SYTL5: variants seen among roughly 807,000 people sequenced by gnomAD.
The protein encoded by SYTL5 is synaptotagmin-like protein 5.
In SYTL5, 34 loss-of-function variants were observed where a neutral mutation model predicts 55.9. The ratio of observed to expected loss-of-function variants is 0.61; its 90% CI spans 0.46 to 0.81. SYTL5 has a LOEUF of 0.81. Ranked by LOEUF, SYTL5 falls within the 30% of genes least tolerant of loss-of-function variation. The probability of loss-of-function intolerance (pLI) is 0.00; values close to 1 mark genes in which losing one functional copy is unlikely to be tolerated. For missense variants in SYTL5, 637 were observed against 546.7 expected, an observed-to-expected ratio of 1.17 and a Z score of -1.65; for synonymous variants, 221 against 188.7, an observed-to-expected ratio of 1.17 and a Z score of -1.40.
In SYTL5 at chrX:38,033,535, G is replaced by A. The variant is rs1481074304; in HGVS notation, c.-355G>A. The stretch of plus-strand genomic sequence containing the variant: ...TCTTTTTTTTCTCCACCGTCTTAGT[G>A]TTTTCTGCATTCTCTCCCAGCGGAT... On this transcript the variant is annotated splice_region_variant and 5_prime_UTR_variant, in exon 2 of 17. Coordinates refer to ENST00000297875, the MANE Select transcript of SYTL5 (RefSeq NM_138780.3). The A allele has an allele frequency of 1.7e-5, 2 of 117,583 alleles. No homozygotes were observed. Among genetic ancestry groups the A allele is most frequent in the Non-Finnish European group, 3.5e-5 (2 of 56,944 alleles). The allele number at this position is 117,583 out of a possible 1,213,427, so 9.7% of individuals were successfully genotyped here.
chrX:38,105,209 G>A (rs1937177010), intron 10 of SYTL5, among the ~76,000 whole-genome samples: 1 of 112,478 alleles, frequency 8.9e-6, no homozygotes, highest in Admixed American at 9.4e-5. Context: ...GCAGTATGAT[G>A]TGAGAGTTCA....
the SYTL5 span, among the ~76,000 whole-genome samples, chrX:37,896,075 A>G: frequency 8.9e-6 from 1 of 112,390 alleles, no homozygotes; most frequent in Admixed American, 9.4e-5. Context: ...ACATTGTTCT[A>G]TTAAAACAGC....
upstream of SYTL5, among the ~76,000 whole-genome samples, chrX:38,004,840 A>G (rs1296480575): frequency 1.8e-5 from 2 of 110,999 alleles, no homozygotes; most frequent in Non-Finnish European, 3.8e-5. Context: ...GAAAGAATGA[A>G]TAAGACATAG....
the SYTL5 span, among the ~76,000 whole-genome samples, chrX:37,912,517 G>A: frequency 7.0e-4 from 78 of 111,598 alleles, no homozygotes; most frequent in African/African-American, 2.4e-3. Flanking sequence ...ACTTATGAGT[G>A]TTGTGGGTGT....
the SYTL5 span, among the ~76,000 whole-genome samples, chrX:37,943,581 G>A: frequency 9.0e-6 from 1 of 111,330 alleles, no homozygotes; most frequent in African/African-American, 3.3e-5. Flanking sequence ...ATCGAGGATG[G>A]GGGATGAGAA....
At chrX:38,062,109 A>G (rs1218592088) in intron 3 of SYTL5, among the ~76,000 whole-genome samples, 1 of 110,833 alleles carries the variant, frequency 9.0e-6, no homozygotes, top group Non-Finnish European at 1.9e-5. Context: ...CTGGGACTAC[A>G]GGCATGTGCC....
chrX:38,000,271 G>T, the SYTL5 span, among the ~76,000 whole-genome samples: 1 of 112,342 alleles, frequency 8.9e-6, no homozygotes, highest in Non-Finnish European at 1.9e-5. Flanking sequence ...TGGAAATTCT[G>T]ACTCTATCCA....
chrX:38,078,297 G>C (rs1411853557), intron 6 of SYTL5, among the ~76,000 whole-genome samples: 1 of 106,207 alleles, frequency 9.4e-6, no homozygotes, highest in African/African-American at 3.4e-5. Flanking sequence ...GTCTCGCTCT[G>C]TCTCCCGGGC....
intron 8 of SYTL5, 105 bp from the exon 9 acceptor site, chrX:38,096,029 T>C: frequency 2.4e-6 from 1 of 419,670 alleles, no homozygotes; most frequent in Middle Eastern, 5.1e-4. Flanking sequence ...TTATGATCTG[T>C]GCCTAAAAAG....
chrX:37,914,211 C>A, the SYTL5 span, among the ~76,000 whole-genome samples: 1 of 111,247 alleles, frequency 9.0e-6, no homozygotes, highest in African/African-American at 3.3e-5. Context: ...TATGACCTAG[C>A]AACTTTATTT....
At chrX:38,090,481 G>A (rs905354831) in intron 7 of SYTL5, among the ~76,000 whole-genome samples, 5 of 111,742 alleles carry the variant, frequency 4.5e-5, no homozygotes, top group Admixed American at 9.5e-5. Context: ...ATATTCTGTT[G>A]GAAGTTATAT....
At chrX:38,062,272 A>G (rs1935971387) in intron 3 of SYTL5, among the ~76,000 whole-genome samples, 1 of 112,043 alleles carries the variant, frequency 8.9e-6, no homozygotes, top group South Asian at 3.7e-4. Flanking sequence ...GTCCCGCCAA[A>G]ACATGAAATA....
chrX:37,950,338 T>C, the SYTL5 span, among the ~76,000 whole-genome samples: 1 of 111,968 alleles, frequency 8.9e-6, no homozygotes, highest in South Asian at 3.7e-4. Context: ...CTAAAAGATA[T>C]TGCTCTATTG....
the SYTL5 span, among the ~76,000 whole-genome samples, chrX:37,934,933 C>T: frequency 2.7e-5 from 3 of 111,566 alleles, no homozygotes; most frequent in Admixed American, 9.5e-5. Context: ...AGCGCCTGGC[C>T]GAATGCTTCA....
chrX:37,889,825 A>C, the SYTL5 span, among the ~76,000 whole-genome samples: 1 of 111,388 alleles, frequency 9.0e-6, no homozygotes, highest in Admixed American at 9.5e-5. Flanking sequence ...TAAGTCTTAC[A>C]GGACTGGAGT....
chrX:38,086,885 T>A (rs756887752), intron 6 of SYTL5, among the ~76,000 whole-genome samples: 72 of 111,827 alleles, frequency 6.4e-4, no homozygotes, highest in Non-Finnish European at 1.2e-3. Context: ...AAATGTGAAA[T>A]TCTATGTCAT....
chrX:37,978,222 G>T, the SYTL5 span, among the ~76,000 whole-genome samples: 1 of 111,349 alleles, frequency 9.0e-6, no homozygotes, highest in South Asian at 3.8e-4. Flanking sequence ...AGGATGGTTT[G>T]GGGAATATTT....
chrX:37,961,728 G>A, the SYTL5 span, among the ~76,000 whole-genome samples: 2,083 of 111,788 alleles, frequency 0.019, 43 homozygotes, highest in African/African-American at 0.064. Context: ...CTATAATGGG[G>A]ATATTGTAAA....
chrX:37,916,583 G>A, the SYTL5 span, among the ~76,000 whole-genome samples: 2 of 112,213 alleles, frequency 1.8e-5, no homozygotes, highest in South Asian at 7.4e-4. Context: ...CTGTTTGTAT[G>A]AGTCTGATTA....
Sources: gnomAD v4.1 joint callset for allele counts (sites outside exome capture counted in the v4.1 genomes callset) on GRCh38, gnomAD v4.1.1 for gene constraint, MANE v1.5 for transcripts, NCBI Gene and HGNC (gene_info 2026-07-23, HGNC 2026-07-21) for gene names.